Variants in BPIFC observed in about 807,000 individuals in gnomAD.
BPIFC encodes the protein BPI fold-containing family C protein.
A neutral mutation model predicts 57.6 loss-of-function variants in BPIFC; 60 were observed. That is an observed-to-expected ratio of 1.04 (90% CI 0.85 to 1.29). The LOEUF (loss-of-function observed/expected upper bound fraction) is 1.29, where lower values mean the gene tolerates loss of function less well. Ranked by LOEUF, BPIFC falls within the 50% of genes most tolerant of loss-of-function variation. BPIFC has a pLI of 0.00. For missense variants in BPIFC, 581 were observed against 600.5 expected (o/e 0.97, Z 0.34); for synonymous variants, 243 against 224.5 (o/e 1.08, Z -0.74).
At chr22:32,416,300 C>T (rs1385027572) in intron 15 of BPIFC, among the ~76,000 whole-genome samples, 1 of 152,118 alleles carries the variant, frequency 6.6e-6, no homozygotes, top group South Asian at 2.1e-4. Flanking sequence ...CCAGGCGTGT[C>T]TCGAACTCCT....
At chr22:32,424,621 C>T (rs940909703) in intron 13 of BPIFC, among the ~76,000 whole-genome samples, 7 of 45,776 alleles carry the variant, frequency 1.5e-4, no homozygotes, top group Non-Finnish European at 2.0e-4. Flanking sequence ...TCCTCCTCCT[C>T]CTCCTCCTCT....
Position 32,453,368 on chromosome 22 carries a change from C to A in BPIFC, c.245+15G>T. On this transcript the variant is annotated intron_variant, in intron 4 of 16. Transcript: ENST00000300399. ...AGCTTCTTATAAGAGGCAAAATGCT[C>A]TTCTTTTTACTTACTTTGAAAAATT... The A allele has an allele frequency of 6.4e-7, 1 of 1,559,916 alleles. No homozygotes were observed.
chr22:32,438,437 A>G (rs1934471669), intron 8 of BPIFC, among the ~76,000 whole-genome samples: 1 of 152,076 alleles, frequency 6.6e-6, no homozygotes, highest in South Asian at 2.1e-4. Context: ...TATCACCCTG[A>G]CTGGAGTGCA....
At chr22:32,439,331 A>T (rs1027259491) in intron 8 of BPIFC, among the ~76,000 whole-genome samples, 1 of 152,140 alleles carries the variant, frequency 6.6e-6, no homozygotes, top group African/African-American at 2.4e-5. Flanking sequence ...GTCTAAAAAA[A>T]AAAAAATAAA....
intron 3 of BPIFC, among the ~76,000 whole-genome samples, chr22:32,456,494 T>C (rs1935042379): frequency 1.3e-5 from 2 of 150,570 alleles, no homozygotes; most frequent in East Asian, 2.0e-4. Context: ...TTTTCTGGTA[T>C]AGTAGAAGAA....
At chr22:32,430,837 C>T (rs907187008) in intron 13 of BPIFC, among the ~76,000 whole-genome samples, 1 of 152,040 alleles carries the variant, frequency 6.6e-6, no homozygotes, top group Admixed American at 6.5e-5. Context: ...GAGATGAGGT[C>T]TCACTTTGTT....
chr22:32,438,866 T>G (rs1934484368), intron 8 of BPIFC, among the ~76,000 whole-genome samples: 1 of 152,154 alleles, frequency 6.6e-6, no homozygotes, highest in African/African-American at 2.4e-5. Flanking sequence ...ATTAGAAATA[T>G]TTTTAGAAAC....
At chr22:32,448,750 C>T (rs922994993) in intron 4 of BPIFC, among the ~76,000 whole-genome samples, 1 of 151,938 alleles carries the variant, frequency 6.6e-6, no homozygotes, top group Admixed American at 6.6e-5. Flanking sequence ...CCAGCCTGGC[C>T]AACATAGTGA....
chr22:32,438,188 A>G (rs1299622695), intron 8 of BPIFC, among the ~76,000 whole-genome samples: 1 of 151,998 alleles, frequency 6.6e-6, no homozygotes, highest in Non-Finnish European at 1.5e-5. Flanking sequence ...ACACTGTAAT[A>G]AAAGGAATGT....
chr22:32,442,083 C>T (rs550741353), intron 8 of BPIFC, among the ~76,000 whole-genome samples: 2 of 152,174 alleles, frequency 1.3e-5, no homozygotes, highest in Non-Finnish European at 2.9e-5. Context: ...GGCCCAGGGA[C>T]TGGGGACTCC....
chr22:32,420,139 A>C (rs1243847375), intron 13 of BPIFC, among the ~76,000 whole-genome samples: 1 of 152,082 alleles, frequency 6.6e-6, no homozygotes, highest in African/African-American at 2.4e-5. Flanking sequence ...AACACGGTGA[A>C]ACCCCATCTC....
chr22:32,419,774 C>T (rs1360095075), intron 13 of BPIFC, among the ~76,000 whole-genome samples: 1 of 145,910 alleles, frequency 6.9e-6, no homozygotes, highest in Non-Finnish European at 1.5e-5. Flanking sequence ...CCACTGCACT[C>T]CAGCCTGGGT....
intron 13 of BPIFC, among the ~76,000 whole-genome samples, chr22:32,431,042 T>C (rs2145927764): frequency 6.6e-6 from 1 of 152,106 alleles, no homozygotes; most frequent in South Asian, 2.1e-4. Context: ...TTTAGTAAAG[T>C]ACATACTTTA....
intron 7 of BPIFC, among the ~76,000 whole-genome samples, chr22:32,443,758 A>G (rs1020924266): frequency 3.9e-5 from 6 of 152,194 alleles, no homozygotes; most frequent in South Asian, 4.1e-4. Context: ...CAACATTTGC[A>G]TGGGGATGAT....
At chr22:32,451,441 G>C (rs1934892957) in intron 4 of BPIFC, among the ~76,000 whole-genome samples, 1 of 152,112 alleles carries the variant, frequency 6.6e-6, no homozygotes, top group African/African-American at 2.4e-5. Context: ...TCCCTGGCAA[G>C]GACAAAAAAC....
chr22:32,421,976 G>C (rs1189746668), intron 13 of BPIFC, among the ~76,000 whole-genome samples: 1 of 152,168 alleles, frequency 6.6e-6, no homozygotes, highest in African/African-American at 2.4e-5. Context: ...AATGGGGAAC[G>C]GAGTGGGGAG....
At chr22:32,423,701 A>G (rs1933915554) in intron 13 of BPIFC, among the ~76,000 whole-genome samples, 1 of 151,752 alleles carries the variant, frequency 6.6e-6, no homozygotes, top group Non-Finnish European at 1.5e-5. Context: ...CTCCTAAGTT[A>G]TAGATGGCTC....
intron 7 of BPIFC, among the ~76,000 whole-genome samples, chr22:32,443,128 T>A (rs1300064571): frequency 6.6e-6 from 1 of 151,872 alleles, no homozygotes; most frequent in African/African-American, 2.4e-5. Flanking sequence ...CTAGGAGCGG[T>A]TGCATGCCCT....
At position 32,435,732 on chromosome 22, in the gene BPIFC, A is replaced by G. The variant is rs139174086; in HGVS notation, c.896T>C (p.Val299Ala). 1.5e-4 allele frequency: 238 copies of G among 1,613,762 alleles called. 2 individuals are homozygous for G. The African/African-American group carries it at 2.7e-3, about 18-fold the overall frequency. Residue 299 changes from valine to alanine, a missense_variant, in exon 10 of 17, where the codon GTT becomes GCT. By Grantham distance (64) the Val-to-Ala change is moderately conservative (BLOSUM62 0). Coordinates refer to ENST00000300399, the MANE Select transcript of BPIFC (RefSeq NM_174932.3). ...TTCGGTGGAGAGAGTGACATTGAAA[A>G]CCCCAGCTGTGAAATGAGCAAAGGA... Reference protein sequence around the residue: ...SASFAHFTAGVFNVTLSTEEI... With the variant: ...SASFAHFTAGAFNVTLSTEEI...
Sources: allele counts gnomAD v4.1 joint callset (sites outside exome capture counted in the v4.1 genomes callset), GRCh38; gene constraint gnomAD v4.1.1; transcripts MANE v1.5; gene names NCBI Gene and HGNC (gene_info 2026-07-23, HGNC 2026-07-21).